The following DNAH7 variants were observed in gnomAD, a reference collection of about 807,000 sequenced individuals.
The protein encoded by DNAH7 is axonemal beta dynein heavy chain 7.
DNAH7 carries 397 observed loss-of-function variants against 444.6 expected under a neutral mutation model. The ratio of observed to expected loss-of-function variants is 0.89; its 90% confidence interval spans 0.82 to 0.97. DNAH7 has a LOEUF of 0.97. Among genes scored for constraint, DNAH7 ranks in the 50% least tolerant of loss-of-function variants. The pLI is 0.00. For synonymous variants in DNAH7, 1,636 were observed against 1,624.4 expected (o/e 1.01, Z -0.17); for missense variants, 4,902 against 4,800.8 (o/e 1.02, Z -0.62).
intron 21 of DNAH7, among the ~76,000 whole-genome samples, chr2:195,931,461 C>T (rs1161746434): frequency 6.6e-6 from 1 of 151,684 alleles, no homozygotes; most frequent in Non-Finnish European, 1.5e-5. Context: ...CTTTTGTTGC[C>T]ATTGCTTTTG....
At chr2:195,809,690 T>C in intron 52 of DNAH7, 55 bp downstream of exon 52, 10 of 1,417,634 alleles carry the variant, frequency 7.1e-6, no homozygotes, top group Non-Finnish European at 9.3e-6. Context: ...AATTAATAAA[T>C]TAATGAATCA....
At chr2:195,924,161 G>T (rs1051842827) in intron 22 of DNAH7, among the ~76,000 whole-genome samples, 4 of 152,104 alleles carry the variant, frequency 2.6e-5, no homozygotes, top group Non-Finnish European at 1.5e-5. Context: ...TCTTCCTGGG[G>T]ACTGCTATAT....
chr2:196,011,664 T>C (rs1694734162), intron 10 of DNAH7, among the ~76,000 whole-genome samples: 1 of 152,192 alleles, frequency 6.6e-6, no homozygotes, highest in Admixed American at 6.5e-5. Flanking sequence ...GATAAACACT[T>C]TCTGGCTCAC....
rs903477606 is a variant in DNAH7, at chr2:195,852,326, T to G, written c.8781+1017A>C. ...GAGTCAACCCTCCTTAGGAGATAGT[T>G]CTGAAATTAAATGAGGCTCAATTGA... is the stretch of plus-strand genomic sequence containing the variant. On this transcript the variant is annotated intron_variant, in intron 46 of 64. Transcript: ENST00000312428. Among the ~76,000 whole-genome samples, 8 of 151,640 alleles carry G rather than the reference T, an allele frequency of 5.3e-5. 1 individual carries two copies. Among genetic ancestry groups the G allele is most frequent in the Non-Finnish European group, 1.0e-4 (7 of 67,828 alleles).
At chr2:195,754,202 A>AT in intron 63 of DNAH7, 135 bp downstream of exon 63, 4 of 958,204 alleles carry the variant, frequency 4.2e-6, no homozygotes, top group South Asian at 2.0e-5. Flanking sequence ...TATCTCAATA[A>AT]TTTTTTTCTC....
chr2:195,998,546 C>T (rs931172330), intron 12 of DNAH7, among the ~76,000 whole-genome samples: 1 of 143,442 alleles, frequency 7.0e-6, no homozygotes, highest in Admixed American at 7.2e-5. Flanking sequence ...GCCTGTGTAA[C>T]AGAGCGAGAC....
intron 49 of DNAH7, 94 bp downstream of exon 49, chr2:195,824,161 T>C: frequency 8.2e-7 from 1 of 1,226,462 alleles, no homozygotes; most frequent in South Asian, 2.1e-5. Context: ...AAATCCGTTT[T>C]TCTTAGGAAG....
At chr2:195,749,977 TATA>T (rs1170161607) in intron 63 of DNAH7, among the ~76,000 whole-genome samples, 1 of 151,658 alleles carries the variant, frequency 6.6e-6, no homozygotes, top group Non-Finnish European at 1.5e-5. Flanking sequence ...AAACTTAAAG[TATA>T]ATAATAATAA....
At position 196,024,426 on chromosome 2, in the gene DNAH7, TACTC is replaced by T. The variant is rs779900679; in HGVS notation, c.742_743+2del. On this transcript the variant is annotated splice_donor_variant and coding_sequence_variant, in exon 8 of 65. Coordinates refer to ENST00000312428, the MANE Select transcript of DNAH7 (RefSeq NM_018897.3). LOFTEE classifies it high-confidence loss of function. ...ACATTCTTAGAGAAATCTGATCACT[TACTC>T]AGCACGATGGGCTGGAAGTTCATCT... 258 of 1,568,452 alleles carry T rather than the reference TACTC, an allele frequency of 1.6e-4. No homozygotes were observed. The highest frequency in any genetic ancestry group is 2.9e-4 in the African/African-American group (21 of 72,652).
At chr2:196,007,180 T>C (rs1694428897) in intron 10 of DNAH7, among the ~76,000 whole-genome samples, 1 of 152,176 alleles carries the variant, frequency 6.6e-6, no homozygotes, top group South Asian at 2.1e-4. Flanking sequence ...GGACTCACAC[T>C]TCCTTATCTC....
At chr2:195,870,634 G>T (rs899427961) in intron 40 of DNAH7, among the ~76,000 whole-genome samples, 2 of 152,176 alleles carry the variant, frequency 1.3e-5, no homozygotes, top group East Asian at 3.8e-4. Flanking sequence ...GAGGTAATTA[G>T]GTCATGGGAG....
At chr2:195,985,147 T>C (rs2125625057) in intron 14 of DNAH7, among the ~76,000 whole-genome samples, 1 of 152,342 alleles carries the variant, frequency 6.6e-6, no homozygotes, top group Middle Eastern at 3.4e-3. Context: ...TCCAGTAATA[T>C]GCAAATATTT....
chr2:195,786,422 A>G (rs1214939612), intron 58 of DNAH7, among the ~76,000 whole-genome samples: 1 of 152,224 alleles, frequency 6.6e-6, no homozygotes, highest in African/African-American at 2.4e-5. Flanking sequence ...ATTGATAAAT[A>G]GCAAAGAGAG....
At chr2:195,968,383 T>C (rs1232786397) in intron 17 of DNAH7, among the ~76,000 whole-genome samples, 2 of 152,194 alleles carry the variant, frequency 1.3e-5, no homozygotes, top group Non-Finnish European at 2.9e-5. Flanking sequence ...GTGGGTTCTC[T>C]TCCAGCCCAG....
Position 195,817,760 on chromosome 2 carries a change from G to A in DNAH7, c.9361C>T (p.Gln3121Ter), listed in dbSNP as rs746200120. 15 of 1,612,942 alleles carry A rather than the reference G, an allele frequency of 9.3e-6. No homozygotes were observed. The South Asian group carries it at 1.1e-4, about 12-fold the overall frequency. Residue 3121 changes from glutamine (Q) to a stop codon, truncating the protein, a stop_gained, in exon 50 of 65, where the codon CAA becomes TAA. Coordinates refer to ENST00000312428, the MANE Select transcript of DNAH7 (RefSeq NM_018897.3). LOFTEE classifies it high-confidence loss of function. Reference protein sequence around the residue: ...QDQLLGIVVAQERPDLEEEKQ... With the variant: ...QDQLLGIVVA ...TCTTCTTCAAGGTCTGGCCTTTCTT[G>A]TGCCACCACAATTCCCAGAAGCTGA... is the stretch of plus-strand genomic sequence containing the variant.
chr2:195,972,657 A>T (rs190532245), intron 15 of DNAH7, among the ~76,000 whole-genome samples, 191 bp from the exon 16 acceptor site: 1 of 152,318 alleles, frequency 6.6e-6, no homozygotes, highest in East Asian at 1.9e-4. Context: ...AACAACAAAA[A>T]AAAAGAAAAA....
At chr2:195,757,706 T>C (rs1219227727) in intron 61 of DNAH7, among the ~76,000 whole-genome samples, 1 of 152,128 alleles carries the variant, frequency 6.6e-6, no homozygotes, top group Non-Finnish European at 1.5e-5. Flanking sequence ...AGATTTAGCA[T>C]ACAGAAGAAA....
intron 64 of DNAH7, among the ~76,000 whole-genome samples, chr2:195,739,233 A>G (rs995702445): frequency 6.6e-6 from 1 of 152,202 alleles, no homozygotes; most frequent in Admixed American, 6.5e-5. Context: ...GAAACTTTCA[A>G]TTTGGGTCTT....
chr2:195,998,486 G>A (rs919765917), intron 12 of DNAH7, among the ~76,000 whole-genome samples: 2 of 150,424 alleles, frequency 1.3e-5, no homozygotes, highest in Non-Finnish European at 1.5e-5. Context: ...AGCAGCAGGA[G>A]AATGGTGTGA....
Sources: gnomAD v4.1 joint callset for allele counts (sites outside exome capture counted in the v4.1 genomes callset) on GRCh38, gnomAD v4.1.1 for gene constraint, MANE v1.5 for transcripts, NCBI Gene and HGNC (gene_info 2026-07-23, HGNC 2026-07-21) for gene names.